Variants in TTC6 observed in about 807,000 individuals in gnomAD.
TTC6 encodes the protein tetratricopeptide repeat protein 6.
TTC6 carries 172 observed loss-of-function variants against 210.4 expected under a neutral mutation model. The ratio of observed to expected loss-of-function variants is 0.82; its 90% CI spans 0.72 to 0.93. The LOEUF is 0.93. Among genes scored for constraint, TTC6 ranks in the 40% least tolerant of loss-of-function variants. The pLI, the probability that TTC6 is intolerant of heterozygous loss-of-function variation, is 0.00. For synonymous variants in TTC6, 804 were observed against 819.6 expected (o/e 0.98, Z 0.32); for missense variants, 2,414 against 2,318.1 (o/e 1.04, Z -0.85).
intron 14 of TTC6, among the ~76,000 whole-genome samples, chr14:37,759,995 A>T (rs2095979180): frequency 6.6e-6 from 1 of 152,172 alleles, no homozygotes; most frequent in Non-Finnish European, 1.5e-5. Flanking sequence ...TCCGAAGCCA[A>T]CTTCTGTCAA....
chr14:37,727,729 AT>A (rs2138857259), intron 7 of TTC6, among the ~76,000 whole-genome samples: 1 of 150,600 alleles, frequency 6.6e-6, no homozygotes, highest in Admixed American at 6.6e-5. Context: ...GTCTTTATTT[AT>A]TTTCAAAGTA....
At chr14:37,619,410 A>C (rs2139286307), upstream of TTC6, among the ~76,000 whole-genome samples, 1 of 152,332 alleles carries the variant, frequency 6.6e-6, no homozygotes, top group East Asian at 1.9e-4. Flanking sequence ...AAAGATAATT[A>C]TTTCATGAAT....
chr14:37,597,899 C>T (rs2095607533), intron 1 of TTC6, among the ~76,000 whole-genome samples: 1 of 152,202 alleles, frequency 6.6e-6, no homozygotes, highest in South Asian at 2.1e-4. Context: ...CCCAGCCTCT[C>T]TCCATCTCAG....
chr14:37,728,964 A>G (rs1751291529), intron 7 of TTC6, among the ~76,000 whole-genome samples: 1 of 152,174 alleles, frequency 6.6e-6, no homozygotes, highest in African/African-American at 2.4e-5. Flanking sequence ...ATATCCATTC[A>G]GACATTTTCA....
intron 14 of TTC6, among the ~76,000 whole-genome samples, chr14:37,770,172 T>A (rs1313453259): frequency 6.6e-6 from 1 of 152,126 alleles, no homozygotes; most frequent in East Asian, 1.9e-4. Context: ...GAGAGATAGT[T>A]TGTTATAATT....
At chr14:37,809,247 A>ATT (rs3062846) in intron 24 of TTC6, among the ~76,000 whole-genome samples, 10 of 102,590 alleles carry the variant, frequency 9.7e-5, no homozygotes, top group East Asian at 2.8e-4. Context: ...CATATGCAGA[A>ATT]TTTTTTTTTT....
chr14:37,779,727 G>A (rs1347194123), intron 14 of TTC6, among the ~76,000 whole-genome samples: 1 of 152,088 alleles, frequency 6.6e-6, no homozygotes, highest in East Asian at 1.9e-4. Flanking sequence ...GGTCTATTCT[G>A]GTTATCTACT....
chr14:37,618,977 C>T (rs556782915), upstream of TTC6, among the ~76,000 whole-genome samples: 2 of 152,260 alleles, frequency 1.3e-5, no homozygotes, highest in Admixed American at 6.5e-5. Context: ...CAGTTACTAC[C>T]TTTCAACCTT....
chr14:37,841,598 G>A, exon 30 of TTC6: 1 of 1,606,286 alleles, frequency 6.2e-7, no homozygotes, highest in Non-Finnish European at 8.5e-7. Context: ...TTGGGCTGCA[G>A]TATATTTTAA....
intron 6 of TTC6, among the ~76,000 whole-genome samples, chr14:37,717,837 C>T (rs912608693): frequency 6.6e-6 from 1 of 152,166 alleles, no homozygotes; most frequent in African/African-American, 2.4e-5. Context: ...CTCCAAAACT[C>T]ATGTTGAAAT....
intron 29 of TTC6, among the ~76,000 whole-genome samples, chr14:37,833,422 C>T (rs1369771955): frequency 6.6e-6 from 1 of 152,044 alleles, no homozygotes; most frequent in Non-Finnish European, 1.5e-5. Flanking sequence ...TTTGATATAA[C>T]TCCTTGTTTT....
At chr14:37,671,790 G>A (rs770654233) in intron 1 of TTC6, among the ~76,000 whole-genome samples, 8 of 152,118 alleles carry the variant, frequency 5.3e-5, no homozygotes, top group Non-Finnish European at 1.0e-4. Context: ...GTGAGGAAGG[G>A]AAATGATTGG....
intron 13 of TTC6, among the ~76,000 whole-genome samples, chr14:37,752,676 A>C (rs1169568949): frequency 2.0e-5 from 3 of 152,272 alleles, no homozygotes; most frequent in Middle Eastern, 6.8e-3. Flanking sequence ...TAATAATTCA[A>C]TTCTCTTCCC....
At chr14:37,646,643 A>T (rs1439767212) in intron 1 of TTC6, among the ~76,000 whole-genome samples, 1 of 152,134 alleles carries the variant, frequency 6.6e-6, no homozygotes, top group African/African-American at 2.4e-5. Flanking sequence ...ACATTTATTT[A>T]AAAAACCTCA....
chr14:37,615,200 G>GTCTT (rs2095640764), intron 2 of TTC6, among the ~76,000 whole-genome samples: 1 of 152,094 alleles, frequency 6.6e-6, no homozygotes, highest in Admixed American at 6.5e-5. Flanking sequence ...TTTGAATTTT[G>GTCTT]TCTTTGTCTT....
At chr14:37,841,927 T>C (rs543958197) in intron 30 of TTC6, among the ~76,000 whole-genome samples, 325 of 152,250 alleles carry the variant, frequency 2.1e-3, no homozygotes, top group African/African-American at 7.5e-3. Flanking sequence ...AAGAAAGACA[T>C]TGTACTGTGT....
At chr14:37,806,230 A>G (rs1048896333) in intron 21 of TTC6, 131 bp from the exon 24 acceptor site, 5 of 926,428 alleles carry the variant, frequency 5.4e-6, no homozygotes, top group Admixed American at 3.0e-5. Context: ...CCATTAGGAG[A>G]AATGTATTTA....
chr14:37,660,696 GGT>G (rs2095735619), intron 1 of TTC6, among the ~76,000 whole-genome samples: 1 of 152,072 alleles, frequency 6.6e-6, no homozygotes, highest in African/African-American at 2.4e-5. Flanking sequence ...TATTGCTTTG[GGT>G]ATATACCTCA....
intron 29 of TTC6, chr14:37,837,429 G>A (rs753497961): frequency 8.8e-6 from 4 of 455,030 alleles, no homozygotes; most frequent in Non-Finnish European, 4.4e-6. Context: ...TTCACAGAAG[G>A]ATGTCAATTC....
Sources: allele counts gnomAD v4.1 joint callset (sites outside exome capture counted in the v4.1 genomes callset), GRCh38; gene constraint gnomAD v4.1.1; transcripts MANE v1.5; gene names NCBI Gene and HGNC (gene_info 2026-07-23, HGNC 2026-07-21).